The following VAV2 variants were observed in gnomAD, a reference collection of about 807,000 sequenced individuals.
VAV2 encodes the protein guanine nucleotide exchange factor VAV2.
Under a neutral mutation model 132.5 loss-of-function variants are expected in VAV2, and 67 were observed. The ratio of observed to expected loss-of-function variants is 0.51; its 90% CI spans 0.42 to 0.62. VAV2 has a LOEUF of 0.62. Among genes scored for constraint, VAV2 ranks in the 20% least tolerant of loss-of-function variants. VAV2 has a pLI of 0.00. For missense variants in VAV2, 938 were observed against 1,153.6 expected (o/e 0.81, Z 2.71); for synonymous variants, 492 against 443.5 (o/e 1.11, Z -1.37).
At chr9:133,980,883 T>C (rs1842670315) in intron 1 of VAV2, among the ~76,000 whole-genome samples, 1 of 151,002 alleles carries the variant, frequency 6.6e-6, no homozygotes, top group African/African-American at 2.5e-5. Context: ...GCCCTCTCTG[T>C]AGAACAACCA....
intron 4 of VAV2, among the ~76,000 whole-genome samples, chr9:133,819,094 C>G (rs1162989628): frequency 1.3e-5 from 2 of 151,962 alleles, no homozygotes; most frequent in Admixed American, 1.3e-4. Context: ...AGGAACATTC[C>G]TTCACACGGG....
intron 1 of VAV2, among the ~76,000 whole-genome samples, chr9:133,954,467 G>A (rs478393): frequency 0.37 from 56,525 of 152,264 alleles, 10,848 homozygotes; most frequent in Non-Finnish European, 0.42. Context: ...ACTCAGTGCC[G>A]CAGCAGCACA....
intron 3 of VAV2, among the ~76,000 whole-genome samples, chr9:133,848,163 C>G (rs956992075): frequency 6.6e-6 from 1 of 151,040 alleles, no homozygotes; most frequent in East Asian, 1.9e-4. Flanking sequence ...GCCTGTAGTT[C>G]CAGCTACTCG....
chr9:133,904,266 G>A lies in VAV2; in HGVS notation c.321+34837C>T, dbSNP rs1017849827. ...TTTGTTCTTCTGGGAGACCCCTCTA[G>A]AGAACTGAAGAGCAAATGCTATTTC... On this transcript the variant is annotated intron_variant, in intron 2 of 29. Coordinates refer to ENST00000371850, the MANE Select transcript of VAV2 (RefSeq NM_001134398.2). 3.3e-5 allele frequency among the ~76,000 whole-genome samples: 5 copies of A among 152,220 alleles called. 1 individual carries two copies. The South Asian group carries it at 8.3e-4, about 25-fold the overall frequency.
intron 29 of VAV2, among the ~76,000 whole-genome samples, chr9:133,764,718 G>T (rs1318806945): frequency 2.0e-5 from 3 of 152,046 alleles, no homozygotes; most frequent in Non-Finnish European, 4.4e-5. Flanking sequence ...AAACCAGAGA[G>T]AAAAAAGGAT....
chr9:133,975,829 G>C (rs1336836775), intron 1 of VAV2, among the ~76,000 whole-genome samples: 1 of 152,080 alleles, frequency 6.6e-6, no homozygotes, highest in Non-Finnish European at 1.5e-5. Context: ...TATTTGTCAG[G>C]AGAGAGGGAC....
intron 16 of VAV2, 102 bp downstream of exon 16, chr9:133,787,144 C>T (rs1564345591): frequency 7.5e-7 from 1 of 1,333,580 alleles, no homozygotes; most frequent in East Asian, 2.7e-5. Context: ...AACCCTGAGC[C>T]CAGCCCCTCA....
chr9:133,861,821 G>A (rs893457655), intron 2 of VAV2, among the ~76,000 whole-genome samples: 2 of 152,186 alleles, frequency 1.3e-5, no homozygotes, highest in Admixed American at 6.5e-5. Flanking sequence ...AGTACAGCTC[G>A]TGTTCACAGT....
intron 1 of VAV2, among the ~76,000 whole-genome samples, chr9:133,981,332 G>C (rs2132291255): frequency 6.6e-6 from 1 of 152,314 alleles, no homozygotes; most frequent in South Asian, 2.1e-4. Context: ...CAGTGTCCAG[G>C]TGCGCCCAGC....
At chr9:133,841,189 C>T (rs905966618) in intron 3 of VAV2, among the ~76,000 whole-genome samples, 1 of 152,038 alleles carries the variant, frequency 6.6e-6, no homozygotes, top group East Asian at 1.9e-4. Context: ...GGGCCTCAAA[C>T]GTGGGGTTCA....
chr9:133,769,313 G>A lies in VAV2; in HGVS notation c.2434+104C>T, dbSNP rs1462146536. 3.2e-6 allele frequency: 4 copies of A among 1,263,780 alleles called. No individual in the cohort carries two copies. The highest frequency in any genetic ancestry group is 3.0e-5 in the African/African-American group (2 of 66,140). The allele number at this position is 1,263,780 out of a possible 1,614,324, so 78.3% of individuals were successfully genotyped here. A position where few individuals can be genotyped will look rare whatever the true frequency, so the allele number is the denominator to read the frequency against. On this transcript the variant is annotated intron_variant, in intron 28 of 29. Transcript: ENST00000371850. This position sits in a 1 kb window ranked among gnomAD's most constrained non-coding sequence, Gnocchi z 8.1. The stretch of plus-strand genomic sequence containing the variant: ...CAGTGCCAGACTGCGGACAACTGTG[G>A]CCACGTCAGGCAGGGCTGTGGGGCC...
rs1833532070 is a variant in VAV2, at chr9:133,769,162, G to C, written c.2434+255C>G. On this transcript the variant is annotated intron_variant, in intron 28 of 29. Transcript: ENST00000371850. This position sits in a 1 kb window ranked among gnomAD's most constrained non-coding sequence, Gnocchi z 8.1. ...AATGACAGTGGACGGGGCTGGGAAAGTGGCCATCAGGGTGGGCGTGTCCAC... is the reference window on the plus strand; with the variant it reads ...AATGACAGTGGACGGGGCTGGGAAACTGGCCATCAGGGTGGGCGTGTCCAC... Among the ~76,000 whole-genome samples, 1 of 152,250 alleles carries C rather than the reference G, an allele frequency of 6.6e-6. No homozygotes were observed. Among genetic ancestry groups the C allele is most frequent in the African/African-American group, 2.4e-5 (1 of 41,470 alleles).
intron 2 of VAV2, among the ~76,000 whole-genome samples, chr9:133,876,469 G>T (rs1455756911): frequency 6.6e-6 from 1 of 152,254 alleles, no homozygotes; most frequent in African/African-American, 2.4e-5. Flanking sequence ...GTCAGCCAAG[G>T]CCAGGAGAAC....
intron 3 of VAV2, among the ~76,000 whole-genome samples, chr9:133,844,582 A>T (rs996199760): frequency 2.0e-5 from 3 of 152,208 alleles, no homozygotes; most frequent in Admixed American, 2.0e-4. Context: ...GCCTCTGTGC[A>T]TCTCACTTCT....
chr9:133,795,577 A>G, intron 12 of VAV2, 91 bp downstream of exon 12: 1 of 1,506,344 alleles, frequency 6.6e-7, no homozygotes, highest in Non-Finnish European at 9.2e-7. Context: ...CCACAGTCAA[A>G]ACTGAGGCTC....
At position 133,789,241 on chromosome 9, in the gene VAV2, A is replaced by T. The variant is rs1344607642; in HGVS notation, c.1274+17T>A. The T allele has an allele frequency of 6.2e-7, 1 of 1,613,256 alleles. No individual in the cohort carries two copies. The highest frequency in any genetic ancestry group is 1.1e-5 in the South Asian group (1 of 91,028). ...CTGGCGGGACGCCACCCAGCCCACA[A>T]CACGCGCCCTGCTCACCTGTCCTGC... On this transcript the variant is annotated intron_variant, in intron 14 of 29. Transcript: ENST00000371850.
At position 133,834,577 on chromosome 9, in the gene VAV2, ACGCCCACTCCGGGCT is replaced by A. The variant is rs2131782976; in HGVS notation, c.381-252_381-238del. Among the ~76,000 whole-genome samples, 2 of 152,358 alleles carry A rather than the reference ACGCCCACTCCGGGCT, an allele frequency of 1.3e-5. No individual in the cohort carries two copies. Among genetic ancestry groups the A allele is most frequent in the South Asian group, 4.1e-4 (2 of 4,826 alleles). ...CTTGCCAGGGGGCAAGGAATGTGTC[ACGCCCACTCCGGGCT>A]CCGGGTGTCCAGTGGGAAGACGAGA... On this transcript the variant is annotated intron_variant, in intron 3 of 29. Coordinates refer to ENST00000371850, the MANE Select transcript of VAV2 (RefSeq NM_001134398.2). This position sits in a 1 kb window ranked among gnomAD's most constrained non-coding sequence, Gnocchi z 5.9.
chr9:133,845,518 G>A (rs1425321027), intron 3 of VAV2, among the ~76,000 whole-genome samples: 1 of 152,188 alleles, frequency 6.6e-6, no homozygotes, highest in African/African-American at 2.4e-5. Flanking sequence ...ACTGGGTGAC[G>A]CAGCAGCTGA....
intron 1 of VAV2, among the ~76,000 whole-genome samples, chr9:133,964,048 TAC>T (rs1554818979): frequency 0.26 from 20,265 of 79,292 alleles, 2,533 homozygotes; most frequent in Non-Finnish European, 0.3. Context: ...TATATATATA[TAC>T]ATATATATAC....
Sources: gnomAD v4.1 joint callset for allele counts (sites outside exome capture counted in the v4.1 genomes callset) on GRCh38, gnomAD v4.1.1 for gene constraint, Gnocchi (gnomAD v3.1) non-coding constraint, MANE v1.5 for transcripts, NCBI Gene and HGNC (gene_info 2026-07-23, HGNC 2026-07-21) for gene names.